Variants in CUEDC1 observed in about 807,000 individuals in gnomAD.
CUEDC1 encodes the protein CUE domain-containing protein 1.
A neutral mutation model predicts 43.7 loss-of-function variants in CUEDC1; 30 were observed. That is an observed-to-expected ratio of 0.69 (90% CI 0.51 to 0.93). The LOEUF (loss-of-function observed/expected upper bound fraction) is 0.93. Among genes scored for constraint, CUEDC1 ranks in the 40% least tolerant of loss-of-function variants. The probability of loss-of-function intolerance (pLI) is 0.00; values close to 1 mark genes in which losing one functional copy is unlikely to be tolerated. For missense variants in CUEDC1, 486 were observed against 549.0 expected (o/e 0.89, Z 1.15); for synonymous variants, 223 against 223.6 (o/e 1.00, Z 0.02).
At chr17:57,927,950 C>G (rs2074764582) in intron 1 of CUEDC1, among the ~76,000 whole-genome samples, 1 of 152,174 alleles carries the variant, frequency 6.6e-6, no homozygotes, top group Admixed American at 6.5e-5. Flanking sequence ...GGTTAACAAG[C>G]CCACAAGTAG....
intron 1 of CUEDC1, among the ~76,000 whole-genome samples, chr17:57,899,145 G>A (rs948130068): frequency 6.6e-6 from 1 of 152,122 alleles, no homozygotes; most frequent in Admixed American, 6.5e-5. Flanking sequence ...CTGGGAGGCC[G>A]CCCGCCTCAG....
At chr17:57,912,161 A>G (rs1340778926) in intron 1 of CUEDC1, among the ~76,000 whole-genome samples, 1 of 152,118 alleles carries the variant, frequency 6.6e-6, no homozygotes, top group African/African-American at 2.4e-5. Context: ...CACACACACA[A>G]CCTTGGCCCC....
At chr17:57,927,081 A>C (rs1447697591) in intron 1 of CUEDC1, among the ~76,000 whole-genome samples, 1 of 152,154 alleles carries the variant, frequency 6.6e-6, no homozygotes. Flanking sequence ...TTTGTGTGTT[A>C]ATGTAATTAA....
chr17:57,885,164 G>A, intron 2 of CUEDC1, 65 bp downstream of exon 2: 1 of 1,486,360 alleles, frequency 6.7e-7, no homozygotes. Flanking sequence ...CCCGGGCCGT[G>A]CCCCTACCTC....
At chr17:57,953,039 G>T (rs1289773835) in intron 1 of CUEDC1, among the ~76,000 whole-genome samples, 1 of 152,074 alleles carries the variant, frequency 6.6e-6, no homozygotes, top group Non-Finnish European at 1.5e-5. Flanking sequence ...AGTCCAAAGG[G>T]ATCTAAGGAA....
In CUEDC1 at chr17:57,885,231, C is replaced by A. The variant is rs2074270403; in HGVS notation, c.334G>T (p.Glu112Ter). ...SSDSEDSIPP[E>*]ILERTLEPDS... ...AATTACCCGGGCTGCGCCCCTACCT[C>A]CGGGGGGATGCTGTCCTCCGAGTCG... The change falls in exon 2 of 11, where the codon GAG (glutamate) becomes TAG (stop). Residue 112 changes from glutamate to a stop codon, truncating the protein, a stop_gained and splice_region_variant. Transcript: ENST00000577830. LOFTEE classifies it high-confidence loss of function. 1.3e-6 allele frequency: 2 copies of A among 1,571,224 alleles called. No individual in the cohort carries two copies. Among genetic ancestry groups the A allele is most frequent in the Non-Finnish European group, 1.7e-6 (2 of 1,155,924 alleles).
At chr17:57,895,944 GC>G (rs560976866) in intron 1 of CUEDC1, among the ~76,000 whole-genome samples, 3 of 152,228 alleles carry the variant, frequency 2.0e-5, no homozygotes, top group Admixed American at 6.5e-5. Flanking sequence ...CAGGCTGAAG[GC>G]CCCCCCAGTA....
At chr17:57,898,492 C>G (rs2074437087) in intron 1 of CUEDC1, among the ~76,000 whole-genome samples, 1 of 152,130 alleles carries the variant, frequency 6.6e-6, no homozygotes, top group African/African-American at 2.4e-5. Flanking sequence ...ATGGGGCAAG[C>G]AGGATTGCTC....
intron 1 of CUEDC1, among the ~76,000 whole-genome samples, chr17:57,921,447 T>TA (rs1249109381): frequency 9.8e-5 from 15 of 152,356 alleles, no homozygotes; most frequent in African/African-American, 3.4e-4. Flanking sequence ...ATAAGGAAGA[T>TA]ATACGGAGTA....
chr17:57,870,350 G>A (rs2074017229), intron 6 of CUEDC1, among the ~76,000 whole-genome samples: 1 of 152,184 alleles, frequency 6.6e-6, no homozygotes, highest in African/African-American at 2.4e-5. Flanking sequence ...TGAGCAGAAG[G>A]GCCTGGCCCT....
intron 1 of CUEDC1, among the ~76,000 whole-genome samples, chr17:57,898,912 G>C (rs189553714): frequency 7.2e-5 from 11 of 152,288 alleles, no homozygotes; most frequent in Non-Finnish European, 1.2e-4. Flanking sequence ...AATAATGCAG[G>C]GTGCCCACTC....
At chr17:57,951,956 T>C (rs2075011523) in intron 1 of CUEDC1, among the ~76,000 whole-genome samples, 1 of 152,114 alleles carries the variant, frequency 6.6e-6, no homozygotes. Flanking sequence ...ACATCAGAGG[T>C]TCTGGGAGCC....
At chr17:57,920,821 A>G (rs944829875) in intron 1 of CUEDC1, among the ~76,000 whole-genome samples, 1 of 151,698 alleles carries the variant, frequency 6.6e-6, no homozygotes, top group African/African-American at 2.4e-5. Flanking sequence ...TTTTTATTAG[A>G]GAACAGGGTT....
chr17:57,872,959 A>T lies in CUEDC1; in HGVS notation c.592-104T>A. Reference sequence around the variant, plus strand: ...ACACATGCCCTGTCCAACATCCTCCAGCCCTCACCTGAGGCTCACACCTCC... The same window carrying T: ...ACACATGCCCTGTCCAACATCCTCCTGCCCTCACCTGAGGCTCACACCTCC... On this transcript the variant is annotated intron_variant, in intron 4 of 10. Transcript: ENST00000577830. The T allele has an allele frequency of 2.8e-6, 3 of 1,089,544 alleles. No homozygotes were observed. The South Asian group carries it at 4.7e-5, about 17-fold the overall frequency. The allele number at this position is 1,089,544 out of a possible 1,614,324, so 67.5% of individuals were successfully genotyped here.
chr17:57,935,788 C>G (rs572027013), intron 1 of CUEDC1, among the ~76,000 whole-genome samples: 15 of 152,216 alleles, frequency 9.9e-5, no homozygotes, highest in Admixed American at 9.8e-4. Flanking sequence ...CAATTCCTTC[C>G]TAGGGGACCC....
rs1034404766 is a variant in CUEDC1 at position 57,861,256 on chromosome 17, G to T, written c.*2033C>A. The T allele has an allele frequency of 6.6e-6, 1 of 152,296 alleles. No individual in the cohort carries two copies. Among genetic ancestry groups the T allele is most frequent in the Non-Finnish European group, 1.5e-5 (1 of 68,086 alleles). The allele number at this position is 152,296 out of a possible 1,614,324, so 9.4% of individuals were successfully genotyped here. A position where few individuals can be genotyped will look rare whatever the true frequency, so the allele number is the denominator to read the frequency against. The stretch of plus-strand genomic sequence containing the variant: ...CAACCTCCAGTCTGCCTTTAATCCA[G>T]AAGCTGTTTATTTAGGGAGGTGGCC... On this transcript the variant is annotated 3_prime_UTR_variant, in exon 11 of 11. Coordinates refer to ENST00000577830, the MANE Select transcript of CUEDC1 (RefSeq NM_001271875.2).
intron 3 of CUEDC1, 106 bp downstream of exon 3, chr17:57,879,505 G>A: frequency 8.4e-7 from 1 of 1,190,714 alleles, no homozygotes. Flanking sequence ...CCTGTTCTTT[G>A]AAATATACTG....
chr17:57,908,663 G>A (rs777073663), intron 1 of CUEDC1, among the ~76,000 whole-genome samples: 9 of 152,202 alleles, frequency 5.9e-5, no homozygotes, highest in Non-Finnish European at 1.3e-4. Context: ...GTGTGCATTT[G>A]TGTGTGTGCA....
rs552972167 is a variant in CUEDC1, at chr17:57,926,408, C to A, written c.-316+28817G>T. The stretch of plus-strand genomic sequence containing the variant: ...CTTGTCCCCATTCAAGCCCCTTCAC[C>A]CCCTGAAATAGGTGTGATTCCCATC... On this transcript the variant is annotated intron_variant, in intron 1 of 10. Coordinates refer to ENST00000577830, the MANE Select transcript of CUEDC1 (RefSeq NM_001271875.2). Among the ~76,000 whole-genome samples the A allele has an allele frequency of 6.6e-5, 10 of 152,186 alleles. No individual in the cohort carries two copies. In the East Asian group the frequency reaches 1.9e-3, roughly 29 times the overall value.
Sources: gnomAD v4.1 joint callset for allele counts (sites outside exome capture counted in the v4.1 genomes callset) on GRCh38, gnomAD v4.1.1 for gene constraint, MANE v1.5 for transcripts, NCBI Gene and HGNC (gene_info 2026-07-23, HGNC 2026-07-21) for gene names.